Variants in STS observed in about 807,000 individuals in gnomAD.
STS encodes steroid sulfatase.
In STS, 7 loss-of-function variants were observed where a neutral mutation model predicts 26.8. The ratio of observed to expected loss-of-function variants is 0.26; its 90% CI spans 0.15 to 0.49. The LOEUF is 0.49. Ranked by LOEUF, STS falls within the 20% of genes least tolerant of loss-of-function variation. The probability of loss-of-function intolerance (pLI) is 0.98; values close to 1 mark genes in which losing one functional copy is unlikely to be tolerated. For missense variants in STS, 434 were observed against 465.6 expected, an observed-to-expected ratio of 0.93 and a Z score of 0.63; for synonymous variants, 199 against 189.4, an observed-to-expected ratio of 1.05 and a Z score of -0.42.
intron 9 of STS, among the ~76,000 whole-genome samples, chrX:7,327,550 A>AT (rs1927541008): frequency 9.2e-6 from 1 of 108,681 alleles, no homozygotes; most frequent in African/African-American, 3.4e-5. Context: ...CGCCCAGTTA[A>AT]TTTTTTGTAT....
intron 10 of STS, among the ~76,000 whole-genome samples, chrX:7,348,301 A>C (rs1928617189): frequency 8.9e-6 from 1 of 111,922 alleles, no homozygotes; most frequent in African/African-American, 3.3e-5. Flanking sequence ...CGATTGCATT[A>C]ATCAGTTTTG....
chrX:7,177,988 C>T (rs1157386633), intron 1 of STS, among the ~76,000 whole-genome samples: 10 of 110,060 alleles, frequency 9.1e-5, no homozygotes, highest in African/African-American at 3.3e-4. Flanking sequence ...GACAGGGTCT[C>T]GCTATGTTGG....
chrX:7,282,654 C>T lies in STS; in HGVS notation c.943+6567C>T, dbSNP rs746632087. On this transcript the variant is annotated intron_variant, in intron 7 of 10. Transcript: ENST00000674429. ...CTCTCCTTGCATGCTGTCTGAGAGC[C>T]ATCTCGCATATATGAAATAAATATA... 2.3e-4 allele frequency among the ~76,000 whole-genome samples: 26 copies of T among 112,721 alleles called. No homozygotes were observed. In the South Asian group the frequency reaches 9.1e-3, roughly 40 times the overall value.
At chrX:7,278,653 A>C (rs752616275) in intron 7 of STS, among the ~76,000 whole-genome samples, 30 of 112,054 alleles carry the variant, frequency 2.7e-4, no homozygotes, top group Admixed American at 9.5e-4. Context: ...CTTCATACAG[A>C]TGTTGTGAGA....
At chrX:7,202,368 A>G (rs1258805204) in intron 2 of STS, among the ~76,000 whole-genome samples, 1 of 111,230 alleles carries the variant, frequency 9.0e-6, no homozygotes, top group Non-Finnish European at 1.9e-5. Flanking sequence ...CATATAATAT[A>G]TAAACCACTC....
intron 1 of STS, among the ~76,000 whole-genome samples, chrX:7,174,178 T>G (rs1169670235): frequency 9.0e-6 from 1 of 111,692 alleles, no homozygotes; most frequent in Admixed American, 9.6e-5. Context: ...CTATAGGGTT[T>G]CTCTTTAATG....
intron 10 of STS, among the ~76,000 whole-genome samples, chrX:7,342,052 T>G (rs1928312248): frequency 9.0e-6 from 1 of 110,933 alleles, no homozygotes; most frequent in Non-Finnish European, 1.9e-5. Flanking sequence ...CCTCAGGTGA[T>G]CCACCCCGCC....
intron 1 of STS, among the ~76,000 whole-genome samples, chrX:7,173,219 T>C (rs968396046): frequency 5.4e-5 from 6 of 111,499 alleles, no homozygotes; most frequent in African/African-American, 1.6e-4. Flanking sequence ...ATTAGTTTGC[T>C]GAGGATAATG....
intron 1 of STS, among the ~76,000 whole-genome samples, chrX:7,189,160 T>C (rs1477861584): frequency 9.0e-6 from 1 of 111,230 alleles, no homozygotes; most frequent in Non-Finnish European, 1.9e-5. Flanking sequence ...TTGTGAATAT[T>C]TTTTTTTACC....
At chrX:7,330,082 A>G (rs1340640615) in intron 9 of STS, among the ~76,000 whole-genome samples, 2 of 111,764 alleles carry the variant, frequency 1.8e-5, no homozygotes, top group Non-Finnish European at 3.8e-5. Flanking sequence ...AAGAAATTTC[A>G]GTGTCCATCA....
At chrX:7,349,803 G>T in intron 10 of STS, 85 bp from the exon 11 acceptor site, 2 of 1,154,732 alleles carry the variant, frequency 1.7e-6, no homozygotes, top group Non-Finnish European at 2.4e-6. Flanking sequence ...GCACATGGCA[G>T]CATAATTTCC....
intron 1 of STS, among the ~76,000 whole-genome samples, chrX:7,150,660 A>T (rs1293342093): frequency 1.8e-5 from 2 of 111,674 alleles, no homozygotes; most frequent in African/African-American, 6.5e-5. Context: ...CATGCTTCAC[A>T]TTATGTTTTT....
At chrX:7,158,264 G>A (rs1299209651) in intron 1 of STS, among the ~76,000 whole-genome samples, 1 of 111,196 alleles carries the variant, frequency 9.0e-6, no homozygotes, top group African/African-American at 3.3e-5. Flanking sequence ...GGACTAGGGG[G>A]AGTTGATTTA....
Position 7,350,760 on chromosome X carries a change from G to A in STS, c.*499G>A, listed in dbSNP as rs1228169470. ...TCGTCTAAACATAAGTAACTTTAAG[G>A]TGAATGAAAGATCTTCTTTAGGAAT... On this transcript the variant is annotated 3_prime_UTR_variant, in exon 11 of 11. Transcript: ENST00000674429. 3 of 115,630 alleles carry A rather than the reference G, an allele frequency of 2.6e-5. No individual in the cohort carries two copies. Among genetic ancestry groups the A allele is most frequent in the African/African-American group, 9.7e-5 (3 of 31,010 alleles). The allele number at this position is 115,630 out of a possible 1,213,427, so 9.5% of individuals were successfully genotyped here. A position where few individuals can be genotyped will look rare whatever the true frequency, so the allele number is the denominator to read the frequency against.
chrX:7,177,155 A>G (rs1933587351), intron 1 of STS, among the ~76,000 whole-genome samples: 1 of 111,256 alleles, frequency 9.0e-6, no homozygotes, highest in Admixed American at 9.6e-5. Context: ...CATGGAAGGA[A>G]ACATTCTCAG....
rs189885703 is a variant in STS, at chrX:7,266,593, A to G, written c.806+6821A>G. ...TAGAGAGCTGGATAATTAGCTCACCATATGTTATACACTGTATAGTAATTC... is the reference window on the plus strand; with the variant it reads ...TAGAGAGCTGGATAATTAGCTCACCGTATGTTATACACTGTATAGTAATTC... On this transcript the variant is annotated intron_variant, in intron 6 of 10. Coordinates refer to ENST00000674429, the MANE Select transcript of STS (RefSeq NM_001320752.2). 1.3e-3 allele frequency among the ~76,000 whole-genome samples: 145 copies of G among 112,259 alleles called. 1 individual carries two copies. The highest frequency in any genetic ancestry group is 4.5e-3 in the African/African-American group (139 of 30,890).
In STS at chrX:7,204,163, A is replaced by G. The variant is rs1288202274; in HGVS notation, c.-5+13155A>G. 2.7e-5 allele frequency among the ~76,000 whole-genome samples: 3 copies of G among 111,432 alleles called. No homozygotes were observed. The East Asian group carries it at 8.4e-4, about 31-fold the overall frequency. ...GCCTTTTACACCCTAAAATTATACC[A>G]TAAGGTTTTATATATGAAAAAATAT... On this transcript the variant is annotated intron_variant, in intron 2 of 10. Transcript: ENST00000674429.
At chrX:7,334,338 G>A (rs775448483) in intron 10 of STS, among the ~76,000 whole-genome samples, 2 of 111,144 alleles carry the variant, frequency 1.8e-5, no homozygotes, top group South Asian at 7.7e-4. Flanking sequence ...TCACCCACCT[G>A]AACACCACCC....
intron 2 of STS, among the ~76,000 whole-genome samples, chrX:7,225,160 T>C (rs1464961358): frequency 1.8e-5 from 2 of 111,855 alleles, no homozygotes; most frequent in Non-Finnish European, 3.8e-5. Flanking sequence ...AATCAACCTT[T>C]ATATAAATGC....
Sources: allele counts gnomAD v4.1 joint callset (sites outside exome capture counted in the v4.1 genomes callset), GRCh38; gene constraint gnomAD v4.1.1; transcripts MANE v1.5; gene names NCBI Gene and HGNC (gene_info 2026-07-23, HGNC 2026-07-21).